PDE4B: variants seen among roughly 807,000 people sequenced by gnomAD.
PDE4B encodes the protein 3',5'-cyclic-AMP phosphodiesterase 4B.
Under a neutral mutation model 82.2 loss-of-function variants are expected in PDE4B, and 20 were observed. That is an observed-to-expected ratio of 0.24 (90% confidence interval 0.17 to 0.35). The LOEUF (loss-of-function observed/expected upper bound fraction) is 0.35, where lower values mean the gene tolerates loss of function less well. Among genes scored for constraint, PDE4B ranks in the 10% least tolerant of loss-of-function variants. PDE4B has a pLI of 1.00. For synonymous variants in PDE4B, 320 were observed against 318.9 expected (o/e 1.00, Z -0.04); for missense variants, 655 against 907.2 (o/e 0.72, Z 3.57).
chr1:65,916,089 A>G (rs574042306), intron 2 of PDE4B, among the ~76,000 whole-genome samples: 1 of 152,330 alleles, frequency 6.6e-6, no homozygotes, highest in East Asian at 1.9e-4. Context: ...ACAGAGTGTG[A>G]AGTAATTATG....
chr1:65,863,031 G>T (rs759128678), intron 1 of PDE4B, among the ~76,000 whole-genome samples: 1 of 151,900 alleles, frequency 6.6e-6, no homozygotes, highest in African/African-American at 2.4e-5. Context: ...GAGGGTTTTT[G>T]TGTCTCTGTC....
chr1:66,192,806 A>G (rs1647946032), intron 3 of PDE4B, among the ~76,000 whole-genome samples: 1 of 152,130 alleles, frequency 6.6e-6, no homozygotes, highest in Non-Finnish European at 1.5e-5. Context: ...AATAATAATA[A>G]TAGCAGGAGC....
chr1:66,204,308 G>T (rs1649337562), intron 3 of PDE4B, among the ~76,000 whole-genome samples: 1 of 152,258 alleles, frequency 6.6e-6, no homozygotes, highest in Non-Finnish European at 1.5e-5. Context: ...ACCCACTTGA[G>T]GCAGCAGTCT....
At chr1:65,969,466 A>T (rs1031316903) in intron 3 of PDE4B, among the ~76,000 whole-genome samples, 1 of 152,204 alleles carries the variant, frequency 6.6e-6, no homozygotes, top group Admixed American at 6.5e-5. Context: ...CAAACACGGT[A>T]TGGAAGAGTT....
chr1:66,330,749 A>C (rs978005368), intron 7 of PDE4B: 6 of 985,044 alleles, frequency 6.1e-6, no homozygotes, highest in Non-Finnish European at 7.2e-6. Context: ...CAGAGGAGGC[A>C]AGGGGTTGTT....
intron 7 of PDE4B, among the ~76,000 whole-genome samples, chr1:66,269,456 A>G (rs1363303738): frequency 6.6e-6 from 1 of 152,202 alleles, no homozygotes; most frequent in Non-Finnish European, 1.5e-5. Flanking sequence ...TTTGCCTTTC[A>G]CAAGCATAAA....
At chr1:66,112,269 G>A (rs780641557) in intron 3 of PDE4B, among the ~76,000 whole-genome samples, 1 of 152,078 alleles carries the variant, frequency 6.6e-6, no homozygotes, top group African/African-American at 2.4e-5. Context: ...TAATGTTCTT[G>A]TATTGCTTGC....
chr1:66,274,651 G>A (rs1055014499), intron 7 of PDE4B, among the ~76,000 whole-genome samples: 3 of 152,192 alleles, frequency 2.0e-5, no homozygotes, highest in South Asian at 2.1e-4. Flanking sequence ...TAATTGCCTC[G>A]TCTCCAAAAT....
intron 3 of PDE4B, among the ~76,000 whole-genome samples, chr1:65,974,141 A>G (rs1650286976): frequency 6.6e-6 from 1 of 152,000 alleles, no homozygotes; most frequent in African/African-American, 2.4e-5. Flanking sequence ...ACCAAGATGG[A>G]AATTTTAGAT....
chr1:66,194,981 A>G (rs1374343953), intron 3 of PDE4B, among the ~76,000 whole-genome samples: 1 of 152,176 alleles, frequency 6.6e-6, no homozygotes, highest in African/African-American at 2.4e-5. Context: ...TAATTTTAAA[A>G]GAGTGATGAT....
chr1:66,184,242 A>G lies in PDE4B; in HGVS notation c.282-63218A>G, dbSNP rs565447057. Among the ~76,000 whole-genome samples, 167 of 152,292 alleles carry G rather than the reference A, an allele frequency of 1.1e-3. 1 individual carries two copies. The highest frequency in any genetic ancestry group is 3.9e-3 in the African/African-American group (164 of 41,570). ...AGCAGTCAAGTGTAAGGTACATGAG[A>G]GAAAAGAAAATCTGGCTCATGGTGC... On this transcript the variant is annotated intron_variant, in intron 3 of 16. Transcript: ENST00000341517.
At chr1:66,202,292 G>T (rs1220981805) in intron 3 of PDE4B, among the ~76,000 whole-genome samples, 1 of 152,092 alleles carries the variant, frequency 6.6e-6, no homozygotes, top group East Asian at 1.9e-4. Flanking sequence ...TGGAATAGGG[G>T]TGGTGTGGTG....
Position 66,257,469 on chromosome 1 carries a change from CT to C in PDE4B, c.477-175del, listed in dbSNP as rs772933962. The C allele has an allele frequency of 9.0e-6, 7 of 778,468 alleles. No individual in the cohort carries two copies. In the South Asian group the frequency reaches 9.6e-5, roughly 11 times the overall value. 48.2% of individuals were successfully genotyped at this position (778,468 alleles called of 1,614,324 possible). A position where few individuals can be genotyped will look rare whatever the true frequency, so the allele number is the denominator to read the frequency against. On this transcript the variant is annotated intron_variant, in intron 4 of 16. Transcript: ENST00000341517. Reference sequence around the variant, plus strand: ...TCATGAATCTAGTACTAATTTTTTCCTTTCAAGCTCTTGGAATACCCTTTCG... The same window carrying C: ...TCATGAATCTAGTACTAATTTTTTCCTTCAAGCTCTTGGAATACCCTTTCG...
At chr1:65,929,238 G>T (rs147230899) in intron 3 of PDE4B, among the ~76,000 whole-genome samples, 1 of 152,210 alleles carries the variant, frequency 6.6e-6, no homozygotes, top group South Asian at 2.1e-4. Context: ...GCGGCACAGG[G>T]TTTATCTCTT....
intron 3 of PDE4B, among the ~76,000 whole-genome samples, chr1:66,107,148 C>A (rs565612425): frequency 6.6e-6 from 1 of 151,152 alleles, no homozygotes; most frequent in Non-Finnish European, 1.5e-5. Context: ...TCTTTGTTCT[C>A]GTTGGTTTCA....
At chr1:66,290,157 G>T (rs375826517) in intron 7 of PDE4B, among the ~76,000 whole-genome samples, 2 of 152,128 alleles carry the variant, frequency 1.3e-5, no homozygotes, top group African/African-American at 2.4e-5. Context: ...AAAAGATTAG[G>T]CAGAGAGATA....
At chr1:66,312,926 G>T (rs1658769875) in intron 7 of PDE4B, among the ~76,000 whole-genome samples, 1 of 152,152 alleles carries the variant, frequency 6.6e-6, no homozygotes. Flanking sequence ...AGCACTTTCT[G>T]TGTCTTTGGT....
At chr1:66,116,384 T>A (rs1645594034) in intron 3 of PDE4B, among the ~76,000 whole-genome samples, 4 of 152,112 alleles carry the variant, frequency 2.6e-5, no homozygotes, top group African/African-American at 9.7e-5. Flanking sequence ...GACAGGGCAT[T>A]CAACTAGGTA....
chr1:65,808,599 C>A (rs1645783200), intron 1 of PDE4B, among the ~76,000 whole-genome samples: 1 of 152,188 alleles, frequency 6.6e-6, no homozygotes, highest in Non-Finnish European at 1.5e-5. Context: ...ACACTGTGAA[C>A]TTTGAGCATA....
Sources: gnomAD v4.1 joint callset for allele counts (sites outside exome capture counted in the v4.1 genomes callset) on GRCh38, gnomAD v4.1.1 for gene constraint, MANE v1.5 for transcripts, NCBI Gene and HGNC (gene_info 2026-07-23, HGNC 2026-07-21) for gene names.